The following NAGPA variants were observed in gnomAD, a reference collection of about 807,000 sequenced individuals.
NAGPA encodes alpha-N-acetylglucosaminyl phosphodiesterase.
NAGPA carries 56 observed loss-of-function variants against 48.5 expected under a neutral mutation model. That is an observed-to-expected ratio of 1.15 (90% CI 0.93 to 1.44). NAGPA has a LOEUF of 1.44. Among genes scored for constraint, NAGPA ranks in the 40% most tolerant of loss-of-function variants. The probability of loss-of-function intolerance (pLI) is 0.00; values close to 1 mark genes in which losing one functional copy is unlikely to be tolerated. For missense variants in NAGPA, 888 were observed against 735.0 expected (o/e 1.21, Z -2.41); for synonymous variants, 399 against 315.5 (o/e 1.26, Z -2.81).
At chr16:5,028,530 C>T (rs773485902) in intron 5 of NAGPA, 5 of 580,414 alleles carry the variant, frequency 8.6e-6, no homozygotes, top group African/African-American at 1.9e-5. Flanking sequence ...CCCCTGTGCC[C>T]AGCCCTCTCC....
At position 5,024,951 on chromosome 16, in the gene NAGPA, C is replaced by T. The variant is rs7110; in HGVS notation, c.*527G>A. On this transcript the variant is annotated 3_prime_UTR_variant, in exon 10 of 10. Transcript: ENST00000312251. ...GACAAAACAGGTCTGTAAACATGAT[C>T]TCATCCCCCCATCCCTTCTTCCAAG... The T allele has an allele frequency of 0.73, 116,623 of 160,716 alleles. 42,495 individuals carry two copies. Among genetic ancestry groups the T allele is most frequent in the Admixed American group, 0.74 (12,880 of 17,384 alleles). 10.0% of individuals were successfully genotyped at this position (160,716 alleles called of 1,614,324 possible). A position where few individuals can be genotyped will look rare whatever the true frequency, so the allele number is the denominator to read the frequency against.
Position 5,028,057 on chromosome 16 carries a change from T to G in NAGPA, c.1049A>C (p.His350Pro), listed in dbSNP as rs1345406933. The G allele has an allele frequency of 6.2e-7, 1 of 1,612,762 alleles. No individual in the cohort carries two copies. The highest frequency in any genetic ancestry group is 1.7e-5 in the Admixed American group (1 of 59,766). Residue 350 changes from histidine (H) to proline (P), a missense_variant, in exon 6 of 10, where the codon CAC (histidine) becomes CCC (proline). Transcript: ENST00000312251. ...ATCACAGCCGGGACCCCGCCAGAAG[T>G]GCCCGGTGCATTGGCAGTGCCCGTC... ...CVDGHCQCTG[H>P]FWRGPGCDEL...
In NAGPA at chr16:5,025,146, G is replaced by A; in HGVS notation, c.*332C>T. 2.5e-6 allele frequency: 1 copy of A among 404,672 alleles called. No individual in the cohort carries two copies. Among genetic ancestry groups the A allele is most frequent in the Non-Finnish European group, 4.7e-6 (1 of 214,912 alleles). The allele number at this position is 404,672 out of a possible 1,614,324, so 25.1% of individuals were successfully genotyped here. On this transcript the variant is annotated 3_prime_UTR_variant, in exon 10 of 10. Transcript: ENST00000312251. The stretch of plus-strand genomic sequence containing the variant: ...CTGTCATGACGTGGTCACTGAGTCT[G>A]GTTCGTTGGCAGCCCCTTCCCCAGG...
Position 5,033,661 on chromosome 16 carries a change from T to TGCAGTCCCGGGGGAGGCGCGCGCGC in NAGPA, c.129_153dup (p.Thr52AlafsTer56). On this transcript the variant is annotated frameshift_variant, in exon 2 of 10. Transcript: ENST00000312251. LOFTEE classifies it high-confidence loss of function. This position sits in a 1 kb window ranked among gnomAD's most constrained non-coding sequence, Gnocchi z 4.2. The stretch of plus-strand genomic sequence containing the variant: ...TCGCGGTTGCCGGCGCGCACCCGTG[T>TGCAGTCCCGGGGGAGGCGCGCGCGC]GCAGTCCCGGGGGAGGCGCGCGCGC... 1 of 1,586,712 alleles carries TGCAGTCCCGGGGGAGGCGCGCGCGC rather than the reference T, an allele frequency of 6.3e-7. No homozygotes were observed.
chr16:5,030,894 G>A lies in NAGPA; in HGVS notation c.683-401C>T, dbSNP rs547954228. On this transcript the variant is annotated intron_variant, in intron 3 of 9. Coordinates refer to ENST00000312251, the MANE Select transcript of NAGPA (RefSeq NM_016256.4). ...TTTTCTCTAGCTTGCTCCTTTGTCA[G>A]ATCACCTCCTTAGTGAGGCCTTCCT... 49 of 291,674 alleles carry A rather than the reference G, an allele frequency of 1.7e-4. No homozygotes were observed. In the Admixed American group the frequency reaches 1.7e-3, roughly 10 times the overall value. The allele number at this position is 291,674 out of a possible 1,614,324, so 18.1% of individuals were successfully genotyped here. A position where few individuals can be genotyped will look rare whatever the true frequency, so the allele number is the denominator to read the frequency against.
Position 5,033,479 on chromosome 16 carries a change from G to A in NAGPA, c.336C>T (p.Pro112=), listed in dbSNP as rs759447464. Residue 112 remains proline, a synonymous_variant, in exon 2 of 10, where the codon CCC becomes CCT. Coordinates refer to ENST00000312251, the MANE Select transcript of NAGPA (RefSeq NM_016256.4). This position sits in a 1 kb window ranked among gnomAD's most constrained non-coding sequence, Gnocchi z 4.2. ...RTFSVLEPGG[P]GGCAARRRAT... ...CGCGTCGTCTCGCCGCGCAGCCGCCGGGTCCACCGGGCTCCAGCACCGAGA... is the reference window on the plus strand; with the variant it reads ...CGCGTCGTCTCGCCGCGCAGCCGCCAGGTCCACCGGGCTCCAGCACCGAGA... The A allele has an allele frequency of 1.7e-5, 27 of 1,572,970 alleles. No individual in the cohort carries two copies. The African/African-American group carries it at 1.9e-4, about 11-fold the overall frequency.
Position 5,033,115 on chromosome 16 carries a change from T to C in NAGPA, c.542+158A>G. ...CAAGCAAGTGCTCAATGATACTGGA[T>C]GATGAATAAACTCTGCAAGGAAGCG... On this transcript the variant is annotated intron_variant, in intron 2 of 9. Transcript: ENST00000312251. This position sits in a 1 kb window ranked among gnomAD's most constrained non-coding sequence, Gnocchi z 4.2. The C allele has an allele frequency of 1.5e-5, 13 of 850,642 alleles. No homozygotes were observed. The South Asian group carries it at 1.9e-4, about 13-fold the overall frequency. 52.7% of individuals were successfully genotyped at this position (850,642 alleles called of 1,614,324 possible). A position where few individuals can be genotyped will look rare whatever the true frequency, so the allele number is the denominator to read the frequency against.
chr16:5,030,534 G>A lies in NAGPA; in HGVS notation c.683-41C>T, dbSNP rs1322288500. ...CCTGGCTGATCACCGCCCCTTGGGA[G>A]GCCTCCTGCTTCTTGCCTAACTCCA... On this transcript the variant is annotated intron_variant, in intron 3 of 9. Transcript: ENST00000312251. 32 of 1,491,970 alleles carry A rather than the reference G, an allele frequency of 2.1e-5. No homozygotes were observed. In the South Asian group the frequency reaches 3.3e-4, roughly 15 times the overall value. The allele number at this position is 1,491,970 out of a possible 1,614,324, so 92.4% of individuals were successfully genotyped here.
In NAGPA at chr16:5,031,515, T is replaced by A. The variant is rs149234856; in HGVS notation, c.682+230A>T. The A allele has an allele frequency of 1.5e-3, 845 of 577,682 alleles. 21 individuals carry two copies. In the East Asian group the frequency reaches 0.027, roughly 18 times the overall value. The allele number at this position is 577,682 out of a possible 1,614,324, so 35.8% of individuals were successfully genotyped here. A position where few individuals can be genotyped will look rare whatever the true frequency, so the allele number is the denominator to read the frequency against. On this transcript the variant is annotated intron_variant, in intron 3 of 9. Coordinates refer to ENST00000312251, the MANE Select transcript of NAGPA (RefSeq NM_016256.4). Reference sequence around the variant, plus strand: ...CCATCTCTCCCCTTTCCCCTAACTTTATTTTTGTTTCTGAGCACTTATCAA... The same window carrying A: ...CCATCTCTCCCCTTTCCCCTAACTTAATTTTTGTTTCTGAGCACTTATCAA...
At position 5,027,329 on chromosome 16, in the gene NAGPA, C is replaced by G. The variant is rs371454907; in HGVS notation, c.1225G>C (p.Glu409Gln). 3 of 1,614,204 alleles carry G rather than the reference C, an allele frequency of 1.9e-6. No homozygotes were observed. Among genetic ancestry groups the G allele is most frequent in the African/African-American group, 1.3e-5 (1 of 75,058 alleles). Reference sequence around the variant, plus strand: ...TTGGGGTCACAGGGACAATGGTGCTCACACTTACAAGGCCTCTGGCAGCCC... The same window carrying G: ...TTGGGGTCACAGGGACAATGGTGCTGACACTTACAAGGCCTCTGGCAGCCC... ...GPGCQRPCKC[E>Q]HHCPCDPKTG... The change falls in exon 8 of 10, where the codon GAG becomes CAG. Residue 409 changes from glutamate (E) to glutamine (Q), a missense_variant. Coordinates refer to ENST00000312251, the MANE Select transcript of NAGPA (RefSeq NM_016256.4).
At position 5,033,204 on chromosome 16, in the gene NAGPA, G is replaced by C; in HGVS notation, c.542+69C>G. ...CAGCTTGGTTAAGTGACTTGAACAC[G>C]GAGGCACGGCTACAACCCAAATCTC... On this transcript the variant is annotated intron_variant, in intron 2 of 9. Coordinates refer to ENST00000312251, the MANE Select transcript of NAGPA (RefSeq NM_016256.4). This position sits in a 1 kb window ranked among gnomAD's most constrained non-coding sequence, Gnocchi z 4.2. 2 of 1,515,836 alleles carry C rather than the reference G, an allele frequency of 1.3e-6. No homozygotes were observed. Among genetic ancestry groups the C allele is most frequent in the Non-Finnish European group, 1.8e-6 (2 of 1,128,416 alleles). The allele number at this position is 1,515,836 out of a possible 1,614,324, so 93.9% of individuals were successfully genotyped here.
chr16:5,026,587 T>C (rs1956005283), intron 9 of NAGPA, among the ~76,000 whole-genome samples: 1 of 152,172 alleles, frequency 6.6e-6, no homozygotes, highest in Non-Finnish European at 1.5e-5. Context: ...ATGCTGCTGA[T>C]ATATTTTAAC....
Position 5,025,655 on chromosome 16 carries a change from C to T in NAGPA, c.1371G>A (p.Leu457=), listed in dbSNP as rs1036011487. 17 of 1,612,952 alleles carry T rather than the reference C, an allele frequency of 1.1e-5. No individual in the cohort carries two copies. Among genetic ancestry groups the T allele is most frequent in the African/African-American group, 5.3e-5 (4 of 74,894 alleles). The stretch of plus-strand genomic sequence containing the variant: ...CAGTGCTGATCAGCAGGAGGAAGGC[C>T]AGCGCCAGGGTGAGGGCTAGCCAGG... ...RTAWLALTLA[L]AFLLLISTAA... The change falls in exon 10 of 10, where the codon CTG becomes CTA. Residue 457 remains leucine, a synonymous_variant. Coordinates refer to ENST00000312251, the MANE Select transcript of NAGPA (RefSeq NM_016256.4).
rs777436116 is a variant in NAGPA, at chr16:5,028,933, G to A, written c.867C>T (p.Gly289=). 1 of 1,614,044 alleles carries A rather than the reference G, an allele frequency of 6.2e-7. No homozygotes were observed. Among genetic ancestry groups the A allele is most frequent in the South Asian group, 1.1e-5 (1 of 91,088 alleles). The change falls in exon 5 of 10, where the codon GGC becomes GGT. Residue 289 remains glycine, a synonymous_variant. Transcript: ENST00000312251. ...TCCCGTTGAGCACAAAGGTGGCAGA[G>A]CCACCCCCATCCAGGTTGATGGCGT... ...VVNAINLDGG[G]SATFVLNGTL...
intron 7 of NAGPA, among the ~76,000 whole-genome samples, 177 bp from the exon 8 acceptor site, chr16:5,027,556 G>A (rs1220488432): frequency 6.6e-6 from 1 of 152,214 alleles, no homozygotes; most frequent in African/African-American, 2.4e-5. Context: ...TTATTTGGAA[G>A]CAGAATCTCT....
At chr16:5,026,488 C>G (rs570429718) in intron 9 of NAGPA, among the ~76,000 whole-genome samples, 8 of 151,668 alleles carry the variant, frequency 5.3e-5, no homozygotes, top group African/African-American at 1.7e-4. Context: ...GAGCTGAGAT[C>G]GCACCACTGC....
chr16:5,029,293 T>G, intron 4 of NAGPA: 1 of 457,814 alleles, frequency 2.2e-6, no homozygotes. Flanking sequence ...ACAGAGAGCC[T>G]TCTCTGGCTG....
At chr16:5,028,291 A>AC in intron 5 of NAGPA, 106 bp from the exon 6 acceptor site, 8 of 1,533,458 alleles carry the variant, frequency 5.2e-6, no homozygotes, top group Non-Finnish European at 7.0e-6. Context: ...CTGTCTACCT[A>AC]CCTACCTACA....
intron 9 of NAGPA, among the ~76,000 whole-genome samples, chr16:5,026,188 C>T (rs1270163748): frequency 6.6e-6 from 1 of 151,004 alleles, no homozygotes; most frequent in African/African-American, 2.4e-5. Flanking sequence ...CTCGGCCTCC[C>T]AAAGTGCTAG....
Sources: allele counts gnomAD v4.1 joint callset (sites outside exome capture counted in the v4.1 genomes callset), GRCh38; gene constraint gnomAD v4.1.1; non-coding constraint Gnocchi (gnomAD v3.1); transcripts MANE v1.5; gene names NCBI Gene and HGNC (gene_info 2026-07-23, HGNC 2026-07-21).